CCDC102B: variants seen among roughly 807,000 people sequenced by gnomAD.
CCDC102B encodes coiled-coil domain containing 102B, also known as coiled-coil domain-containing protein 102B.
CCDC102B carries 75 observed loss-of-function variants against 57.4 expected under a neutral mutation model. That is an observed-to-expected ratio of 1.31 (90% confidence interval 1.08 to 1.58). CCDC102B has a LOEUF of 1.58. CCDC102B is among the 40% of genes most tolerant of loss of function. CCDC102B has a pLI of 0.00. For synonymous variants in CCDC102B, 206 were observed against 201.9 expected, an observed-to-expected ratio of 1.02 and a Z score of -0.17; for missense variants, 636 against 582.6, an observed-to-expected ratio of 1.09 and a Z score of -0.94.
At chr18:69,017,545 A>T (rs532993793) in intron 7 of CCDC102B, among the ~76,000 whole-genome samples, 1 of 152,320 alleles carries the variant, frequency 6.6e-6, no homozygotes. Context: ...AATAAAAATT[A>T]TACATATATT....
intron 6 of CCDC102B, among the ~76,000 whole-genome samples, chr18:68,978,131 G>A (rs2050489306): frequency 6.6e-6 from 1 of 152,046 alleles, no homozygotes; most frequent in African/African-American, 2.4e-5. Flanking sequence ...TAATACTGTT[G>A]TTATAATCCT....
At chr18:68,833,021 T>C (rs556162455) in intron 1 of CCDC102B, among the ~76,000 whole-genome samples, 1 of 152,160 alleles carries the variant, frequency 6.6e-6, no homozygotes, top group Non-Finnish European at 1.5e-5. Flanking sequence ...TTGTGTAATT[T>C]AATAGGAGAT....
At chr18:69,048,298 G>A (rs2145491118) in intron 7 of CCDC102B, among the ~76,000 whole-genome samples, 1 of 151,650 alleles carries the variant, frequency 6.6e-6, no homozygotes, top group East Asian at 1.9e-4. Flanking sequence ...AATAATATTA[G>A]TCAAACATTA....
intron 6 of CCDC102B, among the ~76,000 whole-genome samples, chr18:68,905,886 C>T (rs544033872): frequency 5.6e-4 from 78 of 138,236 alleles, no homozygotes; most frequent in Admixed American, 2.3e-3. Context: ...CTCCGCCTCC[C>T]GGGTTCACGC....
At chr18:68,909,107 A>AAAAAAAGAG (rs2040745798) in intron 6 of CCDC102B, among the ~76,000 whole-genome samples, 1 of 151,472 alleles carries the variant, frequency 6.6e-6, no homozygotes, top group Non-Finnish European at 1.5e-5. Flanking sequence ...AAAAAAAAGA[A>AAAAAAAGAG]TGACAGATGA....
chr18:68,935,769 A>T (rs964309919), intron 6 of CCDC102B, among the ~76,000 whole-genome samples: 1 of 151,902 alleles, frequency 6.6e-6, no homozygotes, highest in African/African-American at 2.4e-5. Context: ...ATGAGTGGCC[A>T]GTGTTGAGGA....
Position 68,836,997 on chromosome 18 carries a change from TG to T in CCDC102B, c.235del (p.Glu79LysfsTer47). 6.2e-7 allele frequency: 1 copy of T among 1,614,114 alleles called. No homozygotes were observed. The highest frequency in any genetic ancestry group is 1.7e-5 in the Admixed American group (1 of 60,018). Reference sequence around the variant, plus strand: ...GTGAAGAACTTCGCCTGCGGGAGCTTGAAGAAGTCAAGGCCAGAGCTGCTCA... The same window carrying T: ...GTGAAGAACTTCGCCTGCGGGAGCTTAAGAAGTCAAGGCCAGAGCTGCTCA... ...ICEELRLREL[E>X]EVKARAAQME... On this transcript the variant is annotated frameshift_variant, in exon 2 of 8. Coordinates refer to ENST00000360242, the MANE Select transcript of CCDC102B (RefSeq NM_024781.3). LOFTEE classifies it high-confidence loss of function.
intron 4 of CCDC102B, among the ~76,000 whole-genome samples, chr18:68,869,601 G>T (rs984931323): frequency 3.3e-5 from 5 of 152,132 alleles, no homozygotes; most frequent in Admixed American, 6.5e-5. Flanking sequence ...GTTTAAGTTC[G>T]TTATAGATTC....
chr18:68,748,732 G>A (rs971600174), intron 2 of CCDC102B, among the ~76,000 whole-genome samples: 1 of 152,118 alleles, frequency 6.6e-6, no homozygotes, highest in Non-Finnish European at 1.5e-5. Context: ...AGCTAAAGCA[G>A]ATTCTGTTTT....
At chr18:68,779,975 TA>T (rs2034952255) in intron 2 of CCDC102B, among the ~76,000 whole-genome samples, 1 of 152,058 alleles carries the variant, frequency 6.6e-6, no homozygotes, top group African/African-American at 2.4e-5. Flanking sequence ...CAAGATAAAA[TA>T]AAATTAAGAA....
intron 5 of CCDC102B, among the ~76,000 whole-genome samples, chr18:68,887,581 C>T (rs1416738188): frequency 6.6e-6 from 1 of 152,182 alleles, no homozygotes; most frequent in African/African-American, 2.4e-5. Flanking sequence ...GGCTCACTGA[C>T]ATATTTGAGT....
chr18:68,848,452 ACAGATGTG>A (rs2037973446), intron 4 of CCDC102B, among the ~76,000 whole-genome samples: 1 of 152,024 alleles, frequency 6.6e-6, no homozygotes, highest in Non-Finnish European at 1.5e-5. Context: ...AAAGTTGGAA[ACAGATGTG>A]CTTAATAGAC....
At chr18:68,994,100 G>A (rs2050951100) in intron 6 of CCDC102B, among the ~76,000 whole-genome samples, 1 of 39,128 alleles carries the variant, frequency 2.6e-5, no homozygotes, top group East Asian at 5.0e-4. Context: ...ACATTTATTT[G>A]TAATTTTTAT....
At chr18:68,958,076 A>G (rs938479387) in intron 6 of CCDC102B, among the ~76,000 whole-genome samples, 1 of 152,088 alleles carries the variant, frequency 6.6e-6, no homozygotes, top group African/African-American at 2.4e-5. Context: ...AGCAGACAAG[A>G]GAAGAGAGCT....
chr18:68,741,713 A>ACACACACACACCC, intron 2 of CCDC102B, among the ~76,000 whole-genome samples: 1 of 97,676 alleles, frequency 1.0e-5, no homozygotes, highest in African/African-American at 4.3e-5. Flanking sequence ...ACACACACAC[A>ACACACACACACCC]CCCCAAGACA....
intron 5 of CCDC102B, among the ~76,000 whole-genome samples, chr18:68,877,357 A>T (rs998945319): frequency 1.3e-5 from 2 of 152,318 alleles, no homozygotes; most frequent in Non-Finnish European, 2.9e-5. Flanking sequence ...ACCTCAACAC[A>T]TCTAGTGTTT....
chr18:68,753,984 T>C (rs558405296), intron 2 of CCDC102B: 1 of 152,266 alleles, frequency 6.6e-6, no homozygotes, highest in African/African-American at 2.4e-5. Flanking sequence ...AAACACTCCA[T>C]ATGGGTTGTG....
At chr18:68,782,467 A>G (rs1441101211) in intron 2 of CCDC102B, among the ~76,000 whole-genome samples, 3 of 152,194 alleles carry the variant, frequency 2.0e-5, no homozygotes, top group African/African-American at 7.2e-5. Flanking sequence ...AAAGTATGCC[A>G]TGGAAATATT....
intron 6 of CCDC102B, among the ~76,000 whole-genome samples, chr18:68,934,878 A>G (rs900362484): frequency 1.3e-5 from 2 of 151,374 alleles, no homozygotes; most frequent in African/African-American, 2.4e-5. Flanking sequence ...GTTTCAATTA[A>G]AAAAAAATAG....
Sources: allele counts gnomAD v4.1 joint callset (sites outside exome capture counted in the v4.1 genomes callset), GRCh38; gene constraint gnomAD v4.1.1; transcripts MANE v1.5; gene names NCBI Gene and HGNC (gene_info 2026-07-23, HGNC 2026-07-21).